MYO16: variants seen among roughly 807,000 people sequenced by gnomAD.
The protein encoded by MYO16 is unconventional myosin-XVI.
MYO16 carries 94 observed loss-of-function variants against 205.3 expected under a neutral mutation model. The observed-to-expected ratio is 0.46, with a 90% CI of 0.39 to 0.54. The LOEUF is 0.54. MYO16 is among the 20% of genes least tolerant of loss of function. The probability of loss-of-function intolerance (pLI) is 0.00; values close to 1 mark genes in which losing one functional copy is unlikely to be tolerated. For missense variants in MYO16, 2,315 were observed against 2,387.5 expected, an observed-to-expected ratio of 0.97 and a Z score of 0.63; for synonymous variants, 988 against 954.0, an observed-to-expected ratio of 1.04 and a Z score of -0.66.
intron 21 of MYO16, among the ~76,000 whole-genome samples, chr13:108,999,121 A>G (rs141109162): frequency 6.6e-6 from 1 of 152,320 alleles, no homozygotes; most frequent in Non-Finnish European, 1.5e-5. Flanking sequence ...TGGTTGCTAT[A>G]TTAGTCTAAG....
In MYO16 at chr13:108,727,446, C is replaced by T. The variant is rs761759317; in HGVS notation, c.370C>T (p.Arg124Trp). 9 of 1,612,986 alleles carry T rather than the reference C, an allele frequency of 5.6e-6. No homozygotes were observed. Among genetic ancestry groups the T allele is most frequent in the South Asian group, 2.2e-5 (2 of 90,984 alleles). The change falls in exon 4 of 35, where the codon CGG becomes TGG. Residue 124 changes from arginine to tryptophan, a missense_variant. Coordinates refer to ENST00000457511, the MANE Select transcript of MYO16 (RefSeq NM_001198950.3). ...SGGSLLHLCA[R>W]YDNAFIAEIL... is the part of the protein sequence containing the mutation. ...CTTGTATTCTTTCTTTTAGTGTGCT[C>T]GGTATGATAATGCCTTCATTGCAGA... is the stretch of plus-strand genomic sequence containing the variant.
chr13:109,080,591 A>G (rs1193546712), intron 27 of MYO16, among the ~76,000 whole-genome samples: 1 of 152,056 alleles, frequency 6.6e-6, no homozygotes, highest in Non-Finnish European at 1.5e-5. Flanking sequence ...AAAAAAAAAA[A>G]AAATGCTTTG....
chr13:109,102,887 C>T (rs1889015607), intron 28 of MYO16, among the ~76,000 whole-genome samples: 1 of 152,086 alleles, frequency 6.6e-6, no homozygotes, highest in Admixed American at 6.6e-5. Flanking sequence ...TTTCTCCACA[C>T]TTTTCACCTG....
the MYO16 span, among the ~76,000 whole-genome samples, chr13:108,496,517 C>T: frequency 6.6e-6 from 1 of 152,164 alleles, no homozygotes; most frequent in Non-Finnish European, 1.5e-5. Flanking sequence ...TCTCAGAGGC[C>T]GGCGGCCAAG....
At chr13:108,667,316 T>G (rs79294178) in intron 2 of MYO16, among the ~76,000 whole-genome samples, 1 of 114,482 alleles carries the variant, frequency 8.7e-6, no homozygotes, top group African/African-American at 3.6e-5. Context: ...AGAATTTCTG[T>G]TTTGTTTTTT....
chr13:109,022,731 A>ATT lies in MYO16; in HGVS notation c.2796+2821_2796+2822insTT, dbSNP rs1566466770. ...TATATATACGCATATAAACATATGT[A>ATT]TATATTATATATATGCATATAAACA... On this transcript the variant is annotated intron_variant, in intron 23 of 34. Transcript: ENST00000457511. Among the ~76,000 whole-genome samples the ATT allele has an allele frequency of 1.8e-3, 183 of 104,298 alleles. 25 individuals carry two copies. The East Asian group carries it at 0.039, about 22-fold the overall frequency. 68.4% of individuals were successfully genotyped at this position (104,298 alleles called of 152,430 possible).
chr13:108,893,452 T>C (rs945622276), intron 14 of MYO16, among the ~76,000 whole-genome samples: 1 of 150,664 alleles, frequency 6.6e-6, no homozygotes, highest in African/African-American at 2.4e-5. Context: ...AGAAGGTACG[T>C]TGTTTTGCTT....
At chr13:108,685,479 G>A (rs1419149894) in intron 2 of MYO16, among the ~76,000 whole-genome samples, 2 of 152,194 alleles carry the variant, frequency 1.3e-5, no homozygotes, top group African/African-American at 2.4e-5. Flanking sequence ...CTGGCTGATT[G>A]CTTGGTGTGG....
chr13:109,190,783 C>T (rs1879876120), intron 34 of MYO16, among the ~76,000 whole-genome samples: 1 of 152,156 alleles, frequency 6.6e-6, no homozygotes, highest in African/African-American at 2.4e-5. Context: ...AACATCCTTA[C>T]ATTACCTATC....
At chr13:109,053,485 A>G (rs7986619) in intron 25 of MYO16, among the ~76,000 whole-genome samples, 4,249 of 152,120 alleles carry the variant, frequency 0.028, 221 homozygotes, top group African/African-American at 0.097. Context: ...AAAGATCTCT[A>G]TGACTGGAGG....
chr13:108,955,132 C>T (rs1566430552), intron 16 of MYO16, among the ~76,000 whole-genome samples: 1 of 152,204 alleles, frequency 6.6e-6, no homozygotes, highest in Non-Finnish European at 1.5e-5. Context: ...GCCCTGCTCC[C>T]CTGAGATGGC....
intron 7 of MYO16, 88 bp downstream of exon 7, chr13:108,806,892 C>T (rs878912657): frequency 1.4e-4 from 135 of 986,334 alleles, no homozygotes; most frequent in African/African-American, 1.2e-3. Context: ...TTTTAAATTA[C>T]GTACTAATCA....
the MYO16 span, among the ~76,000 whole-genome samples, chr13:108,520,168 C>A: frequency 1.3e-5 from 2 of 152,026 alleles, no homozygotes; most frequent in African/African-American, 4.8e-5. Flanking sequence ...CTGGGCAAGT[C>A]ATTTAATATC....
chr13:108,653,975 T>C (rs1881128521), intron 1 of MYO16, among the ~76,000 whole-genome samples: 1 of 152,142 alleles, frequency 6.6e-6, no homozygotes, highest in South Asian at 2.1e-4. Context: ...TGGCAGAGTC[T>C]ATTATCATTC....
At chr13:108,933,913 G>T (rs965389906) in intron 16 of MYO16, among the ~76,000 whole-genome samples, 1 of 152,080 alleles carries the variant, frequency 6.6e-6, no homozygotes, top group African/African-American at 2.4e-5. Context: ...CATTCATGTT[G>T]CTGCAAAGGC....
intron 22 of MYO16, among the ~76,000 whole-genome samples, chr13:109,018,299 CTGCAGAACAGCAAATAT>C (rs544695557): frequency 0.026 from 4,031 of 152,274 alleles, 80 homozygotes; most frequent in African/African-American, 0.045. Flanking sequence ...CCAGCAGCAG[CTGCAGAACAGCAAATAT>C]TGCAGAACAG....
chr13:109,174,329 T>C (rs953442370), intron 33 of MYO16, among the ~76,000 whole-genome samples: 5 of 152,068 alleles, frequency 3.3e-5, no homozygotes, highest in Non-Finnish European at 7.4e-5. Flanking sequence ...GGTTCCAGGA[T>C]AGAAAGAGAA....
At chr13:109,078,168 G>T (rs891994168) in intron 27 of MYO16, among the ~76,000 whole-genome samples, 5 of 151,436 alleles carry the variant, frequency 3.3e-5, no homozygotes, top group Non-Finnish European at 5.9e-5. Flanking sequence ...AGTGGCTCAC[G>T]CCTGTAATCC....
intron 8 of MYO16, 106 bp from the exon 9 acceptor site, chr13:108,823,019 G>A (rs1876061040): frequency 9.1e-7 from 1 of 1,100,336 alleles, no homozygotes; most frequent in Admixed American, 2.4e-5. Context: ...TTCATACATT[G>A]ATAAATTTTT....
Sources: gnomAD v4.1 joint callset for allele counts (sites outside exome capture counted in the v4.1 genomes callset) on GRCh38, gnomAD v4.1.1 for gene constraint, MANE v1.5 for transcripts, NCBI Gene and HGNC (gene_info 2026-07-23, HGNC 2026-07-21) for gene names.